Variants in GLI4 observed in about 807,000 individuals in gnomAD.
GLI4 encodes zinc finger protein GLI4.
GLI4 carries 34 observed loss-of-function variants against 30.9 expected under a neutral mutation model. The observed-to-expected ratio is 1.10, with a 90% CI of 0.84 to 1.47. The LOEUF (loss-of-function observed/expected upper bound fraction) is 1.47. Among genes scored for constraint, GLI4 ranks in the 40% most tolerant of loss-of-function variants. GLI4 has a pLI of 0.00. For synonymous variants in GLI4, 277 were observed against 236.7 expected (o/e 1.17, Z -1.56); for missense variants, 696 against 538.9 (o/e 1.29, Z -2.89).
intron 3 of GLI4, chr8:143,275,687 C>T: frequency 2.4e-6 from 3 of 1,241,082 alleles, no homozygotes; most frequent in Non-Finnish European, 2.0e-6. Context: ...GGTCACCCTG[C>T]AACGCCCCCC....
chr8:143,276,880 G>A lies in GLI4; in HGVS notation c.*76G>A. On this transcript the variant is annotated 3_prime_UTR_variant, in exon 4 of 4. Transcript: ENST00000340042. ...CACCCCGTCCCCCACGGTGGGCACT[G>A]CCCAGCACCGCATGCCACGTGTCCG... 3.4e-6 allele frequency: 3 copies of A among 873,946 alleles called. No homozygotes were observed. Among genetic ancestry groups the A allele is most frequent in the Non-Finnish European group, 5.1e-6 (3 of 584,194 alleles). 54.1% of individuals were successfully genotyped at this position (873,946 alleles called of 1,614,324 possible). A position where few individuals can be genotyped will look rare whatever the true frequency, so the allele number is the denominator to read the frequency against.
intron 2 of GLI4, among the ~76,000 whole-genome samples, chr8:143,270,370 G>A (rs1815240851): frequency 6.6e-6 from 1 of 152,240 alleles, no homozygotes; most frequent in Non-Finnish European, 1.5e-5. Flanking sequence ...AAGGAGCCAG[G>A]ACCAGGGTGA....
At position 143,267,449 on chromosome 8, in the gene GLI4, C is replaced by G. The variant is rs1253976285; in HGVS notation, c.-73C>G. ...CGGAGTGGGGCGGGGCCGGACACTT[C>G]CGTCCGGCGCGCGGCGTCCTCCTCC... On this transcript the variant is annotated 5_prime_UTR_variant, in exon 1 of 4. Transcript: ENST00000340042. 1 of 984,848 alleles carries G rather than the reference C, an allele frequency of 1.0e-6. No individual in the cohort carries two copies. The highest frequency in any genetic ancestry group is 6.2e-5 in the Admixed American group (1 of 16,220). 61.0% of individuals were successfully genotyped at this position (984,848 alleles called of 1,614,324 possible). A position where few individuals can be genotyped will look rare whatever the true frequency, so the allele number is the denominator to read the frequency against.
intron 1 of GLI4, chr8:143,267,878 C>G (rs1815173314): frequency 1.0e-6 from 1 of 985,458 alleles, no homozygotes. Context: ...GCCGAGCTCC[C>G]GGCGATTGGG....
At position 143,269,281 on chromosome 8, in the gene GLI4, G is replaced by T. The variant is rs552867748; in HGVS notation, c.-37-79G>T. The T allele has an allele frequency of 1.1e-5, 11 of 1,039,580 alleles. No homozygotes were observed. The East Asian group carries it at 2.6e-4, about 25-fold the overall frequency. The allele number at this position is 1,039,580 out of a possible 1,614,324, so 64.4% of individuals were successfully genotyped here. On this transcript the variant is annotated intron_variant, in intron 1 of 3. Coordinates refer to ENST00000340042, the MANE Select transcript of GLI4 (RefSeq NM_138465.4). ...AACCTCCATCTCCCCTTGGAGAGCTGGCATGTTGCCTCCTCCTGCACCATC... is the reference window on the plus strand; with the variant it reads ...AACCTCCATCTCCCCTTGGAGAGCTTGCATGTTGCCTCCTCCTGCACCATC...
Position 143,267,453 on chromosome 8 carries a change from C to T in GLI4, c.-69C>T, listed in dbSNP as rs1815158070. ...GTGGGGCGGGGCCGGACACTTCCGT[C>T]CGGCGCGCGGCGTCCTCCTCCCGCT... On this transcript the variant is annotated 5_prime_UTR_variant, in exon 1 of 4. Coordinates refer to ENST00000340042, the MANE Select transcript of GLI4 (RefSeq NM_138465.4). The T allele has an allele frequency of 7.1e-6, 7 of 985,372 alleles. No homozygotes were observed. Among genetic ancestry groups the T allele is most frequent in the Non-Finnish European group, 7.2e-6 (6 of 829,876 alleles). 61.0% of individuals were successfully genotyped at this position (985,372 alleles called of 1,614,324 possible).
rs56871834 is a variant in GLI4, at chr8:143,275,175, C to G, written c.223+373C>G. On this transcript the variant is annotated intron_variant, in intron 3 of 3. Coordinates refer to ENST00000340042, the MANE Select transcript of GLI4 (RefSeq NM_138465.4). The stretch of plus-strand genomic sequence containing the variant: ...ATCCACGAGTTATCCTGTGTCCCCT[C>G]CTCCTCCTGCATCCCCTAGATGGCC... 6.2e-3 allele frequency: 9,557 copies of G among 1,535,728 alleles called. 522 individuals are homozygous for G. The African/African-American group carries it at 0.12, about 19-fold the overall frequency.
At chr8:143,267,514 C>A (rs945123880) in intron 1 of GLI4, 30 bp downstream of exon 1, 14 of 986,274 alleles carry the variant, frequency 1.4e-5, no homozygotes, top group African/African-American at 1.7e-5. Flanking sequence ...GGCGGCGGCT[C>A]CGGGTGCCTG....
intron 2 of GLI4, among the ~76,000 whole-genome samples, chr8:143,270,775 C>T (rs1815250863): frequency 6.6e-6 from 1 of 152,208 alleles, no homozygotes; most frequent in Non-Finnish European, 1.5e-5. Flanking sequence ...CTGGCACCCC[C>T]CCAGGCCTGA....
In GLI4 at chr8:143,276,608, A is replaced by T. The variant is rs1815394375; in HGVS notation, c.935A>T (p.Glu312Val). ...TTCATCTGGAGCTCCGTGCTCATCGAGCACCAGCGCATCCACACTGGCGAG... is the reference window on the plus strand; with the variant it reads ...TTCATCTGGAGCTCCGTGCTCATCGTGCACCAGCGCATCCACACTGGCGAG... The part of the protein sequence containing the change: ...KAFIWSSVLI[E>V]HQRIHTGEKP... Residue 312 changes from glutamate (E) to valine (V), a missense_variant, in exon 4 of 4, where the codon GAG (glutamate) becomes GTG (valine). Coordinates refer to ENST00000340042, the MANE Select transcript of GLI4 (RefSeq NM_138465.4). 1.9e-6 allele frequency: 3 copies of T among 1,612,404 alleles called. No homozygotes were observed. Among genetic ancestry groups the T allele is most frequent in the Non-Finnish European group, 2.5e-6 (3 of 1,179,728 alleles).
In GLI4 at chr8:143,276,165, G is replaced by A. The variant is rs774478339; in HGVS notation, c.492G>A (p.Glu164=). 6.4e-7 allele frequency: 1 copy of A among 1,552,120 alleles called. No individual in the cohort carries two copies. The highest frequency in any genetic ancestry group is 1.2e-5 in the South Asian group (1 of 85,030). ...GPEGAPERAA[E]LGVNFGRSRQ... ...AGGGTGCGCCCGAGCGGGCTGCCGA[G>A]CTGGGAGTCAACTTCGGTCGGAGCC... The change falls in exon 4 of 4, where the codon GAG becomes GAA. Residue 164 remains glutamate (E), a synonymous_variant. Coordinates refer to ENST00000340042, the MANE Select transcript of GLI4 (RefSeq NM_138465.4).
At chr8:143,274,866 G>A (rs1815350248) in intron 3 of GLI4, 64 bp downstream of exon 3, 42 of 1,512,090 alleles carry the variant, frequency 2.8e-5, no homozygotes, top group Non-Finnish European at 3.7e-5. Context: ...TCCTCACAAT[G>A]CCCACCTCTG....
rs182168671 is a variant in GLI4, at chr8:143,271,649, G to A, written c.124+2129G>A. 2.9e-3 allele frequency among the ~76,000 whole-genome samples: 438 copies of A among 152,306 alleles called. 5 individuals carry two copies. The highest frequency in any genetic ancestry group is 9.9e-3 in the African/African-American group (413 of 41,558). On this transcript the variant is annotated intron_variant, in intron 2 of 3. Coordinates refer to ENST00000340042, the MANE Select transcript of GLI4 (RefSeq NM_138465.4). ...CCGAGGTTCCTGGGGCCCACCCCAG[G>A]CACATGTGGTCACCTCAGGAGCCTC... is the stretch of plus-strand genomic sequence containing the variant.
At chr8:143,270,649 C>T (rs1586726435) in intron 2 of GLI4, among the ~76,000 whole-genome samples, 1 of 152,180 alleles carries the variant, frequency 6.6e-6, no homozygotes, top group Non-Finnish European at 1.5e-5. Context: ...CAGGGCCCAC[C>T]CTTGCCCTCT....
chr8:143,276,710 C>T lies in GLI4; in HGVS notation c.1037C>T (p.Thr346Met). 6.2e-7 allele frequency: 1 copy of T among 1,611,030 alleles called. No homozygotes were observed. Among genetic ancestry groups the T allele is most frequent in the Non-Finnish European group, 8.5e-7 (1 of 1,179,238 alleles). Residue 346 changes from threonine to methionine, a missense_variant, in exon 4 of 4, where the codon ACG becomes ATG. Thr to Met is a moderately conservative substitution (Grantham distance 81, BLOSUM62 -1). Transcript: ENST00000340042. ...TTCTTCCGGCACCTGCGGACCCACA[C>T]GGGCGAGAAGCCCTTCGCGTGTGGC... ...SHFFRHLRTH[T>M]GEKPFACGAC...
chr8:143,275,238 G>A (rs1815357871), intron 3 of GLI4: 1 of 1,529,340 alleles, frequency 6.5e-7, no homozygotes, highest in Admixed American at 2.0e-5. Flanking sequence ...CAGGTCCCCT[G>A]CACCTCCCCC....
At chr8:143,269,318 C>G in intron 1 of GLI4, 42 bp from the exon 2 acceptor site, 1 of 1,493,628 alleles carries the variant, frequency 6.7e-7, no homozygotes, top group Middle Eastern at 1.8e-4. Flanking sequence ...CCCCGACATT[C>G]CTCCCAATCC....
chr8:143,268,121 G>A (rs950002717), intron 1 of GLI4: 2 of 980,880 alleles, frequency 2.0e-6, no homozygotes, highest in Non-Finnish European at 2.4e-6. Context: ...AGTAACTTGA[G>A]ATGTGACTTC....
In GLI4 at chr8:143,274,799, C is replaced by A. The variant is rs141816376; in HGVS notation, c.220C>A (p.Pro74Thr). ...EVEIGRDTFW[P>T]DSEPKPEQAP... ...GGAGATCGGCAGAGACACCTTCTGGCCCGGTGAGTGAGCAGAATCGGGTTA... is the reference window on the plus strand; with the variant it reads ...GGAGATCGGCAGAGACACCTTCTGGACCGGTGAGTGAGCAGAATCGGGTTA... The change falls in exon 3 of 4, where the codon CCC becomes ACC. Residue 74 changes from proline to threonine, a missense_variant. Transcript: ENST00000340042. 157 of 1,558,114 alleles carry A rather than the reference C, an allele frequency of 1.0e-4. No individual in the cohort carries two copies. The African/African-American group carries it at 1.8e-3, about 18-fold the overall frequency.
Sources: gnomAD v4.1 joint callset for allele counts (sites outside exome capture counted in the v4.1 genomes callset) on GRCh38, gnomAD v4.1.1 for gene constraint, MANE v1.5 for transcripts, NCBI Gene and HGNC (gene_info 2026-07-23, HGNC 2026-07-21) for gene names.